Variants in CPAP observed in about 807,000 individuals in gnomAD.
CPAP encodes the protein centrosome assembly and centriole elongation protein, also known as centrosomal P4.1-associated protein.
chr13:24,883,124 A>G, the CPAP span: 2 of 1,446,424 alleles, frequency 1.4e-6, no homozygotes, highest in Non-Finnish European at 1.9e-6. Context: ...GTAAATGTAC[A>G]TTTTTTAACA....
At chr13:24,910,993 G>A in the CPAP span, among the ~76,000 whole-genome samples, 13 of 152,056 alleles carry the variant, frequency 8.5e-5, no homozygotes, top group Non-Finnish European at 1.6e-4. Flanking sequence ...TCAATGCCCA[G>A]CATAATCTCT....
At chr13:24,888,609 C>G in the CPAP span, among the ~76,000 whole-genome samples, 2 of 152,128 alleles carry the variant, frequency 1.3e-5, no homozygotes, top group Non-Finnish European at 2.9e-5. Flanking sequence ...TGTTGCAGAG[C>G]AAAGGGAAAA....
At chr13:24,900,823 G>C in the CPAP span, among the ~76,000 whole-genome samples, 2 of 152,258 alleles carry the variant, frequency 1.3e-5, no homozygotes, top group South Asian at 4.2e-4. Context: ...TGAAGCAGTC[G>C]GGTTAGAAAT....
At chr13:24,925,705 A>G in the CPAP span, 70,238 of 152,330 alleles carry the variant, frequency 0.46, 16,452 homozygotes, top group South Asian at 0.59. Flanking sequence ...AAAGGAGCAG[A>G]CCTTCTGAAA....
the CPAP span, among the ~76,000 whole-genome samples, chr13:24,907,575 T>C: frequency 8.0e-6 from 1 of 124,390 alleles, no homozygotes; most frequent in Non-Finnish European, 2.0e-5. Flanking sequence ...TTTGTCCATA[T>C]TATATTAAAA....
the CPAP span, among the ~76,000 whole-genome samples, chr13:24,886,742 A>C: frequency 6.6e-6 from 1 of 152,242 alleles, no homozygotes; most frequent in African/African-American, 2.4e-5. Flanking sequence ...AACCACCTTT[A>C]GAGAAAAGAC....
the CPAP span, chr13:24,924,637 T>C: frequency 6.6e-6 from 1 of 152,248 alleles, no homozygotes; most frequent in African/African-American, 2.4e-5. Context: ...CCTTGTTGCA[T>C]CTTCAGATGG....
chr13:24,927,356 T>C, the CPAP span, among the ~76,000 whole-genome samples: 1 of 152,158 alleles, frequency 6.6e-6, no homozygotes, highest in Non-Finnish European at 1.5e-5. Flanking sequence ...TGAGGAACAA[T>C]TAAAAGCCAG....
At chr13:24,932,919 T>C in the CPAP span, 1 of 855,838 alleles carries the variant, frequency 1.2e-6, no homozygotes, top group Non-Finnish European at 1.9e-6. Flanking sequence ...AATGCCTAAT[T>C]TTTCCAGTTT....
chr13:24,906,603 TC>T, the CPAP span: 9 of 1,614,138 alleles, frequency 5.6e-6, no homozygotes, highest in African/African-American at 1.3e-5. Context: ...TCACATTTCT[TC>T]CCCGTCTGTA....
chr13:24,882,891 T>A, the CPAP span: 1 of 401,182 alleles, frequency 2.5e-6, no homozygotes, highest in Non-Finnish European at 4.6e-6. Flanking sequence ...TTTATAGCCA[T>A]TTCTAACCAA....
At chr13:24,890,682 C>A in the CPAP span, among the ~76,000 whole-genome samples, 1 of 152,186 alleles carries the variant, frequency 6.6e-6, no homozygotes. Context: ...CTCTATTCCC[C>A]CAGCCTCTGC....
the CPAP span, chr13:24,911,826 C>G: frequency 6.5e-6 from 8 of 1,233,930 alleles, no homozygotes; most frequent in Non-Finnish European, 9.5e-6. Flanking sequence ...ATTTATCGGG[C>G]TAGCCTTTAA....
chr13:24,886,480 AAC>A, the CPAP span: 3 of 587,336 alleles, frequency 5.1e-6, no homozygotes, highest in Non-Finnish European at 8.6e-6. Context: ...GATTCAATGT[AAC>A]TAATAGATCC....
the CPAP span, among the ~76,000 whole-genome samples, chr13:24,908,458 A>AAAAAAAAG: frequency 4.6e-5 from 6 of 129,222 alleles, no homozygotes; most frequent in African/African-American, 1.6e-4. Context: ...AAAAAAAAAA[A>AAAAAAAAG]AAAAAATTAG....
chr13:24,902,251 A>C, the CPAP span, among the ~76,000 whole-genome samples: 7 of 152,222 alleles, frequency 4.6e-5, no homozygotes, highest in South Asian at 1.3e-3. Flanking sequence ...AAAAACAAAA[A>C]ACAACAACAA....
the CPAP span, chr13:24,911,860 G>T: frequency 6.6e-7 from 1 of 1,522,724 alleles, no homozygotes; most frequent in South Asian, 1.1e-5. Context: ...CACAACACAT[G>T]ATACAGGAAC....
At chr13:24,889,596 C>T in the CPAP span, among the ~76,000 whole-genome samples, 15 of 152,036 alleles carry the variant, frequency 9.9e-5, no homozygotes, top group African/African-American at 2.4e-4. Flanking sequence ...CACGCACGCG[C>T]GCCCCTTTTG....
the CPAP span, among the ~76,000 whole-genome samples, chr13:24,890,096 G>C: frequency 6.6e-6 from 1 of 152,158 alleles, no homozygotes; most frequent in Non-Finnish European, 1.5e-5. Context: ...ATTCTACAAA[G>C]CAATCAGCCT....
Sources: gnomAD v4.1 joint callset for allele counts (sites outside exome capture counted in the v4.1 genomes callset) on GRCh38, gnomAD v4.1.1 for gene constraint, MANE v1.5 for transcripts, NCBI Gene and HGNC (gene_info 2026-07-23, HGNC 2026-07-21) for gene names.